Variants in FAM114A1 observed in about 807,000 individuals in gnomAD.
FAM114A1 encodes the protein family with sequence similarity 114 member A1.
Under a neutral mutation model 64.3 loss-of-function variants are expected in FAM114A1, and 62 were observed. The ratio of observed to expected loss-of-function variants is 0.96; its 90% CI spans 0.79 to 1.19. The LOEUF (loss-of-function observed/expected upper bound fraction) is 1.19, where lower values mean the gene tolerates loss of function less well. Among genes scored for constraint, FAM114A1 ranks in the 50% most tolerant of loss-of-function variants. FAM114A1 has a pLI of 0.00. For synonymous variants in FAM114A1, 254 were observed against 251.1 expected (o/e 1.01, Z -0.11); for missense variants, 645 against 676.3 (o/e 0.95, Z 0.51).
intron 2 of FAM114A1, among the ~76,000 whole-genome samples, chr4:38,869,373 G>A (rs1053293226): frequency 1.9e-4 from 29 of 152,332 alleles, no homozygotes; most frequent in Admixed American, 3.9e-4. Context: ...GGGCAGCACC[G>A]GGGCAGAGGA....
intron 3 of FAM114A1, 51 bp from the exon 4 acceptor site, chr4:38,891,692 A>G: frequency 6.7e-7 from 1 of 1,491,700 alleles, no homozygotes; most frequent in East Asian, 2.3e-5. Flanking sequence ...GTGTTTTTCC[A>G]TTCAGAGATA....
intron 6 of FAM114A1, among the ~76,000 whole-genome samples, chr4:38,908,310 T>A (rs1320204396): frequency 6.6e-6 from 1 of 152,102 alleles, no homozygotes; most frequent in Non-Finnish European, 1.5e-5. Context: ...AGAGAGCCAG[T>A]AAAATTAATC....
rs1425293482 is a variant in FAM114A1 at position 38,944,122 on chromosome 4, G to A, written c.*565G>A. The A allele has an allele frequency of 2.7e-5, 4 of 147,602 alleles. No homozygotes were observed. The highest frequency in any genetic ancestry group is 5.9e-5 in the Non-Finnish European group (4 of 67,668). 9.1% of individuals were successfully genotyped at this position (147,602 alleles called of 1,614,324 possible). A position where few individuals can be genotyped will look rare whatever the true frequency, so the allele number is the denominator to read the frequency against. ...TCTCACTCTGTCGCCAGGCTGGAGTGCGTTGGCACAATCTCGGCTCACTGC... is the reference window on the plus strand; with the variant it reads ...TCTCACTCTGTCGCCAGGCTGGAGTACGTTGGCACAATCTCGGCTCACTGC... On this transcript the variant is annotated 3_prime_UTR_variant, in exon 15 of 15. Transcript: ENST00000358869.
chr4:38,883,429 A>G (rs1298316781), intron 3 of FAM114A1, among the ~76,000 whole-genome samples: 1 of 152,158 alleles, frequency 6.6e-6, no homozygotes. Flanking sequence ...CCCTTAAAAG[A>G]CCCAATCTAG....
chr4:38,906,171 C>G (rs1717986058), intron 6 of FAM114A1, among the ~76,000 whole-genome samples: 1 of 152,130 alleles, frequency 6.6e-6, no homozygotes, highest in Non-Finnish European at 1.5e-5. Flanking sequence ...GGAGAGAGAA[C>G]TCTTTATCAG....
chr4:38,937,989 G>A (rs759945084), intron 13 of FAM114A1, among the ~76,000 whole-genome samples: 4 of 151,936 alleles, frequency 2.6e-5, no homozygotes, highest in East Asian at 1.9e-4. Context: ...CACCTGCCTC[G>A]GCCTCCCAAA....
chr4:38,878,964 C>T (rs1400043891), intron 3 of FAM114A1, among the ~76,000 whole-genome samples: 2 of 151,916 alleles, frequency 1.3e-5, no homozygotes, highest in Non-Finnish European at 2.9e-5. Flanking sequence ...ACTGTTTTAT[C>T]ATCACACATC....
chr4:38,929,718 AG>A (rs1169384987), intron 10 of FAM114A1, among the ~76,000 whole-genome samples: 10 of 152,262 alleles, frequency 6.6e-5, no homozygotes. Context: ...CCAAGGTTGC[AG>A]GGAGCTGAGA....
chr4:38,915,742 G>A (rs1349564015), intron 8 of FAM114A1, among the ~76,000 whole-genome samples: 1 of 127,392 alleles, frequency 7.8e-6, no homozygotes, highest in Non-Finnish European at 1.6e-5. Flanking sequence ...AGCATCTATA[G>A]TGGTGTGTGT....
intron 13 of FAM114A1, among the ~76,000 whole-genome samples, chr4:38,936,919 G>T (rs1721161265): frequency 6.6e-6 from 1 of 152,176 alleles, no homozygotes; most frequent in South Asian, 2.1e-4. Context: ...TTACTGATTG[G>T]CTCAAGTGTT....
At chr4:38,923,581 T>C (rs538835691) in intron 9 of FAM114A1, among the ~76,000 whole-genome samples, 2 of 152,328 alleles carry the variant, frequency 1.3e-5, no homozygotes, top group East Asian at 3.9e-4. Flanking sequence ...TTAATGTTGA[T>C]GGTGGGCAAA....
chr4:38,910,168 G>A lies in FAM114A1; in HGVS notation c.792+1442G>A, dbSNP rs118063669. ...GCAGGGGAATTGCTTGAACCAGGGA[G>A]GTGGTGATTACAGTGAGCCGAGATT... On this transcript the variant is annotated intron_variant, in intron 7 of 14. Coordinates refer to ENST00000358869, the MANE Select transcript of FAM114A1 (RefSeq NM_138389.4). 3.4e-3 allele frequency among the ~76,000 whole-genome samples: 515 copies of A among 152,194 alleles called. 7 individuals carry two copies. The East Asian group carries it at 0.048, about 14-fold the overall frequency.
At chr4:38,880,176 A>AGTAGAATAG (rs1715114529) in intron 3 of FAM114A1, among the ~76,000 whole-genome samples, 1 of 151,398 alleles carries the variant, frequency 6.6e-6, no homozygotes, top group African/African-American at 2.4e-5. Context: ...AATAGAATAG[A>AGTAGAATAG]AAATATTGAT....
At chr4:38,927,436 CT>C (rs1560326775) in intron 9 of FAM114A1, among the ~76,000 whole-genome samples, 3 of 152,090 alleles carry the variant, frequency 2.0e-5, no homozygotes, top group South Asian at 4.1e-4. Flanking sequence ...CCTGGGGCCT[CT>C]TTTTTTAGGG....
At position 38,935,756 on chromosome 4, in the gene FAM114A1, CAAA is replaced by C; in HGVS notation, c.1503_1505del (p.Lys503del). The C allele has an allele frequency of 6.2e-7, 1 of 1,610,660 alleles. No individual in the cohort carries two copies. The highest frequency in any genetic ancestry group is 8.5e-7 in the Non-Finnish European group (1 of 1,177,852). Reference sequence around the variant, plus strand: ...ATGTGCAATGAAGTGGCCTCTTTATCAAAGAAGTTTACGAATTCTTTAACCACT... The same window carrying C: ...ATGTGCAATGAAGTGGCCTCTTTATCGAAGTTTACGAATTCTTTAACCACT... On this transcript the variant is annotated inframe_deletion, in exon 13 of 15. Transcript: ENST00000358869.
intron 4 of FAM114A1, among the ~76,000 whole-genome samples, chr4:38,896,365 T>C (rs1323067428): frequency 6.6e-6 from 1 of 152,216 alleles, no homozygotes; most frequent in Non-Finnish European, 1.5e-5. Context: ...GCTGTGACTT[T>C]ATGTAGTAAT....
chr4:38,920,706 A>T (rs916364890), intron 8 of FAM114A1, among the ~76,000 whole-genome samples: 5 of 152,210 alleles, frequency 3.3e-5, no homozygotes, highest in Non-Finnish European at 5.9e-5. Context: ...TTCAATAATT[A>T]ATGTTAGAAA....
At chr4:38,923,784 C>T (rs1719855334) in intron 9 of FAM114A1, among the ~76,000 whole-genome samples, 2 of 152,150 alleles carry the variant, frequency 1.3e-5, no homozygotes, top group Admixed American at 6.5e-5. Context: ...ATCTTCCACC[C>T]AGATGATAAC....
chr4:38,903,915 A>C (rs574382865), intron 4 of FAM114A1, among the ~76,000 whole-genome samples: 5 of 152,328 alleles, frequency 3.3e-5, no homozygotes, highest in Non-Finnish European at 7.3e-5. Context: ...CATTTGTCAA[A>C]TATCAGTGCC....
Sources: gnomAD v4.1 joint callset for allele counts (sites outside exome capture counted in the v4.1 genomes callset) on GRCh38, gnomAD v4.1.1 for gene constraint, MANE v1.5 for transcripts, NCBI Gene and HGNC (gene_info 2026-07-23, HGNC 2026-07-21) for gene names.